Variants in ZNF287 observed in about 807,000 individuals in gnomAD.
ZNF287 encodes the protein zinc finger protein with KRAB and SCAN domains 13.
In ZNF287, 31 loss-of-function variants were observed where a neutral mutation model predicts 73.7. The ratio of observed to expected loss-of-function variants is 0.42; its 90% CI spans 0.32 to 0.57. The LOEUF (loss-of-function observed/expected upper bound fraction) is 0.57, where lower values mean the gene tolerates loss of function less well. Among genes scored for constraint, ZNF287 ranks in the 20% least tolerant of loss-of-function variants. The pLI is 0.13. For missense variants in ZNF287, 641 were observed against 909.3 expected (o/e 0.70, Z 3.79); for synonymous variants, 301 against 307.2 (o/e 0.98, Z 0.21).
chr17:16,567,502 C>T lies in ZNF287; in HGVS notation c.230G>A (p.Trp77Ter). ...LSQLRELCLKWLRPEIHSKEQ... is the reference protein window; with the variant it reads ...LSQLRELCLK Reference sequence around the variant, plus strand: ...CTTTGAGTGAATCTCAGGTCTCAGCCACTTAAGGCAGAGCTCTCGGAGTTG... The same window carrying T: ...CTTTGAGTGAATCTCAGGTCTCAGCTACTTAAGGCAGAGCTCTCGGAGTTG... Residue 77 changes from tryptophan (W) to a stop codon, truncating the protein, a stop_gained, in exon 2 of 6, where the codon TGG becomes TAG. Coordinates refer to ENST00000395825, the MANE Select transcript of ZNF287 (RefSeq NM_020653.4). LOFTEE classifies it high-confidence loss of function. 2 of 1,614,192 alleles carry T rather than the reference C, an allele frequency of 1.2e-6. No homozygotes were observed. Among genetic ancestry groups the T allele is most frequent in the Non-Finnish European group, 8.5e-7 (1 of 1,180,026 alleles).
Position 16,551,548 on chromosome 17 carries a change from C to T in ZNF287, c.*308G>A, listed in dbSNP as rs552391350. ...ATGGGTGGTCCTGGAACCAATCCCCCGAGTATACCAAAGGATAAGTGTACT... is the reference window on the plus strand; with the variant it reads ...ATGGGTGGTCCTGGAACCAATCCCCTGAGTATACCAAAGGATAAGTGTACT... On this transcript the variant is annotated 3_prime_UTR_variant, in exon 6 of 6. Transcript: ENST00000395825. 27 of 274,382 alleles carry T rather than the reference C, an allele frequency of 9.8e-5. No homozygotes were observed. Among genetic ancestry groups the T allele is most frequent in the Middle Eastern group, 2.3e-3 (2 of 886 alleles). The allele number at this position is 274,382 out of a possible 1,614,324, so 17.0% of individuals were successfully genotyped here. A position where few individuals can be genotyped will look rare whatever the true frequency, so the allele number is the denominator to read the frequency against.
At chr17:16,565,103 C>A (rs978465354) in intron 3 of ZNF287, among the ~76,000 whole-genome samples, 4 of 151,702 alleles carry the variant, frequency 2.6e-5, no homozygotes, top group African/African-American at 9.7e-5. Context: ...ACCTGTAATC[C>A]CAGCACTTTG....
In ZNF287 at chr17:16,553,313, C is replaced by T; in HGVS notation, c.829G>A (p.Glu277Lys). 6.2e-7 allele frequency: 1 copy of T among 1,613,918 alleles called. No individual in the cohort carries two copies. The highest frequency in any genetic ancestry group is 8.5e-7 in the Non-Finnish European group (1 of 1,179,896). ...EDSYDYDDRL[E>K]RRGKGGFWKI... is the part of the protein sequence containing the mutation. ...CAGAAGCCACCTTTTCCTCGCCTCT[C>T]TAGTCTATCATCGTAGTCATATGAG... The change falls in exon 6 of 6, where the codon GAG becomes AAG. Residue 277 changes from glutamate to lysine, a missense_variant. Around this residue, in one of 2 missense-constraint regions of ZNF287, gnomAD observed 357 missense variants for 442.4 expected, o/e 0.81. Coordinates refer to ENST00000395825, the MANE Select transcript of ZNF287 (RefSeq NM_020653.4).
Position 16,551,749 on chromosome 17 carries a change from TA to T in ZNF287, c.*106del. On this transcript the variant is annotated 3_prime_UTR_variant, in exon 6 of 6. Transcript: ENST00000395825. The stretch of plus-strand genomic sequence containing the variant: ...ACTTCTGATACTTCTGCTGAGTATC[TA>T]ACATATTGCACTTCTTCAGACTTCT... The T allele has an allele frequency of 8.3e-7, 1 of 1,210,876 alleles. No individual in the cohort carries two copies. Among genetic ancestry groups the T allele is most frequent in the Non-Finnish European group, 1.2e-6 (1 of 859,900 alleles). The allele number at this position is 1,210,876 out of a possible 1,614,324, so 75.0% of individuals were successfully genotyped here.
chr17:16,559,739 G>C (rs1390280149), intron 5 of ZNF287, among the ~76,000 whole-genome samples: 1 of 152,194 alleles, frequency 6.6e-6, no homozygotes, highest in Non-Finnish European at 1.5e-5. Context: ...CCAAGTCTAA[G>C]GTGAGCATAA....
Position 16,550,453 on chromosome 17 carries a change from TC to T in ZNF287, c.*1402del, listed in dbSNP as rs1906572762. 1.3e-5 allele frequency among the ~76,000 whole-genome samples: 2 copies of T among 152,198 alleles called. No homozygotes were observed. The highest frequency in any genetic ancestry group is 2.9e-5 in the Non-Finnish European group (2 of 68,022). ...CTCACTCCACTAAAATTTCACCTTT[TC>T]CCCGACCCACATTCTGCAGTGAATT... On this transcript the variant is annotated 3_prime_UTR_variant, in exon 6 of 6. Coordinates refer to ENST00000395825, the MANE Select transcript of ZNF287 (RefSeq NM_020653.4).
rs9904252 is a variant in ZNF287 at position 16,547,448 on chromosome 17, A to G, written c.*4408T>C. On this transcript the variant is annotated 3_prime_UTR_variant, in exon 6 of 6. Transcript: ENST00000395825. ...GCTAATTTGCTGCTTTCTAGCATAC[A>G]TAACATGGAAGTGTTCTCTCCAATT... is the stretch of plus-strand genomic sequence containing the variant. Among the ~76,000 whole-genome samples the G allele has an allele frequency of 0.11, 16,706 of 152,196 alleles. 1,748 individuals are homozygous for G. Among genetic ancestry groups the G allele is most frequent in the African/African-American group, 0.27 (11,337 of 41,484 alleles).
chr17:16,556,165 G>GACACAC (rs137989045), intron 5 of ZNF287, among the ~76,000 whole-genome samples: 5 of 144,312 alleles, frequency 3.5e-5, no homozygotes, highest in East Asian at 4.1e-4. Flanking sequence ...GACAGACACA[G>GACACAC]ACACACACAC....
At chr17:16,563,671 G>A (rs770495833) in intron 4 of ZNF287, 28 bp downstream of exon 4, 3 of 1,607,394 alleles carry the variant, frequency 1.9e-6, no homozygotes, top group Admixed American at 3.4e-5. Flanking sequence ...AACAGGCTCG[G>A]AGGAGGAGGG....
At chr17:16,564,775 C>A (rs539324070) in intron 3 of ZNF287, among the ~76,000 whole-genome samples, 2 of 152,096 alleles carry the variant, frequency 1.3e-5, no homozygotes, top group Admixed American at 1.3e-4. Context: ...TTACATGTTT[C>A]TTTTTTCTCT....
Position 16,549,848 on chromosome 17 carries a change from CAAGT to C in ZNF287, c.*2004_*2007del, listed in dbSNP as rs1365754244. ...TGATTCACGATTTTTAAGCAGTTCC[CAAGT>C]AAATGTTATTTGTTGAACATTTCTT... is the stretch of plus-strand genomic sequence containing the variant. On this transcript the variant is annotated 3_prime_UTR_variant, in exon 6 of 6. Coordinates refer to ENST00000395825, the MANE Select transcript of ZNF287 (RefSeq NM_020653.4). Among the ~76,000 whole-genome samples, 1 of 152,130 alleles carries C rather than the reference CAAGT, an allele frequency of 6.6e-6. No individual in the cohort carries two copies. Among genetic ancestry groups the C allele is most frequent in the African/African-American group, 2.4e-5 (1 of 41,424 alleles).
chr17:16,567,723 G>A lies in ZNF287; in HGVS notation c.9C>T (p.Ala3=), dbSNP rs1907838996. The A allele has an allele frequency of 2.5e-6, 4 of 1,608,378 alleles. No individual in the cohort carries two copies. Among genetic ancestry groups the A allele is most frequent in the African/African-American group, 2.7e-5 (2 of 74,766 alleles). ML[A]SSKRMNSSSR... The stretch of plus-strand genomic sequence containing the variant: ...AAGAACTGTTCATCCTCTTGCTTGA[G>A]GCTAACATTGCTACAGACAGGAGAG... Residue 3 remains alanine, a synonymous_variant, in exon 2 of 6, where the codon GCC becomes GCT. Transcript: ENST00000395825.
chr17:16,566,750 A>G, intron 2 of ZNF287, 128 bp from the exon 3 acceptor site: 1 of 573,390 alleles, frequency 1.7e-6, no homozygotes, highest in Non-Finnish European at 3.0e-6. Context: ...CAGCACTCCT[A>G]CTTCAAAGCA....
At chr17:16,561,122 C>T (rs1907427321) in intron 5 of ZNF287, among the ~76,000 whole-genome samples, 1 of 152,070 alleles carries the variant, frequency 6.6e-6, no homozygotes. Context: ...TTGAGACCAG[C>T]CTGGCCAACA....
intron 5 of ZNF287, among the ~76,000 whole-genome samples, chr17:16,556,456 A>T (rs1907075582): frequency 6.6e-6 from 1 of 152,180 alleles, no homozygotes; most frequent in Non-Finnish European, 1.5e-5. Context: ...TTTTCAGTAA[A>T]TTTGCTATAT....
Position 16,550,717 on chromosome 17 carries a change from G to A in ZNF287, c.*1139C>T, listed in dbSNP as rs141615903. On this transcript the variant is annotated 3_prime_UTR_variant, in exon 6 of 6. Coordinates refer to ENST00000395825, the MANE Select transcript of ZNF287 (RefSeq NM_020653.4). ...TTGAGAGGATCCAATTAGGAAGTTT[G>A]GGACCTGAGCATAGTAGACACTCAA... is the stretch of plus-strand genomic sequence containing the variant. Among the ~76,000 whole-genome samples the A allele has an allele frequency of 4.6e-5, 7 of 152,262 alleles. No homozygotes were observed. The highest frequency in any genetic ancestry group is 1.7e-4 in the African/African-American group (7 of 41,538).
At position 16,548,795 on chromosome 17, in the gene ZNF287, G is replaced by A. The variant is rs569398189; in HGVS notation, c.*3061C>T. On this transcript the variant is annotated 3_prime_UTR_variant, in exon 6 of 6. Coordinates refer to ENST00000395825, the MANE Select transcript of ZNF287 (RefSeq NM_020653.4). ...GGCCTGGGTGACAGAGTGAGACTCC[G>A]TCTCAAAAAAAAGGAAAAACCAAAG... 1.2e-4 allele frequency among the ~76,000 whole-genome samples: 18 copies of A among 152,132 alleles called. No homozygotes were observed. The highest frequency in any genetic ancestry group is 2.4e-4 in the African/African-American group (10 of 41,534).
At chr17:16,554,417 G>A (rs1429137889) in intron 5 of ZNF287, among the ~76,000 whole-genome samples, 2 of 152,020 alleles carry the variant, frequency 1.3e-5, no homozygotes, top group Non-Finnish European at 2.9e-5. Flanking sequence ...CAGGTGATCC[G>A]CCTGCCTCAG....
rs1907807295 is a variant in ZNF287, at chr17:16,567,318, AT to A, written c.403+10del. The A allele has an allele frequency of 6.2e-7, 1 of 1,606,358 alleles. No individual in the cohort carries two copies. Among genetic ancestry groups the A allele is most frequent in the Non-Finnish European group, 8.5e-7 (1 of 1,175,464 alleles). On this transcript the variant is annotated intron_variant, in intron 2 of 5. Coordinates refer to ENST00000395825, the MANE Select transcript of ZNF287 (RefSeq NM_020653.4). ...CAGGGATTCCTCCCCTCTCTGCTCT[AT>A]GATTCTCACCTTCCTCTTCTAGAAT...
Sources: allele counts gnomAD v4.1 joint callset (sites outside exome capture counted in the v4.1 genomes callset), GRCh38; gene constraint gnomAD v4.1.1; regional missense constraint gnomAD v4.1.1; transcripts MANE v1.5; gene names NCBI Gene and HGNC (gene_info 2026-07-23, HGNC 2026-07-21).